The following UNC13C variants were observed in gnomAD, a reference collection of about 807,000 sequenced individuals.
UNC13C encodes unc-13 homolog C.
A neutral mutation model predicts 245.4 loss-of-function variants in UNC13C; 174 were observed. The observed-to-expected ratio is 0.71, with a 90% CI of 0.63 to 0.80. UNC13C has a LOEUF of 0.80. Ranked by LOEUF, UNC13C falls within the 30% of genes least tolerant of loss-of-function variation. The pLI is 0.00. For missense variants in UNC13C, 2,829 were observed against 2,602.9 expected (o/e 1.09, Z -1.89); for synonymous variants, 992 against 895.1 (o/e 1.11, Z -1.93).
At chr15:54,574,448 T>C (rs769180534) in intron 30 of UNC13C, among the ~76,000 whole-genome samples, 1 of 152,172 alleles carries the variant, frequency 6.6e-6, no homozygotes, top group Non-Finnish European at 1.5e-5. Flanking sequence ...TACCAAGGGC[T>C]CTTTGAATAT....
the UNC13C span, among the ~76,000 whole-genome samples, chr15:53,841,706 T>G: frequency 6.6e-6 from 1 of 152,114 alleles, no homozygotes; most frequent in African/African-American, 2.4e-5. Context: ...TGTAGTTGTA[T>G]TTTTATTTTT....
At chr15:54,579,988 A>G (rs1383332590) in intron 30 of UNC13C, among the ~76,000 whole-genome samples, 1 of 152,178 alleles carries the variant, frequency 6.6e-6, no homozygotes, top group Non-Finnish European at 1.5e-5. Context: ...GTTTTGTTTT[A>G]GGTCTGGTTA....
chr15:54,000,978 A>T (rs1894860365), intron 1 of UNC13C, among the ~76,000 whole-genome samples: 1 of 152,142 alleles, frequency 6.6e-6, no homozygotes, highest in Non-Finnish European at 1.5e-5. Context: ...TTTAGTTTGA[A>T]CCTTACTCTT....
intron 19 of UNC13C, among the ~76,000 whole-genome samples, chr15:54,453,646 CA>C (rs1450701704): frequency 3.9e-5 from 6 of 152,170 alleles, no homozygotes; most frequent in Middle Eastern, 3.2e-3. Context: ...TTTACTGAGT[CA>C]AAGATGATTA....
intron 3 of UNC13C, 31 bp downstream of exon 3, chr15:54,143,071 A>G (rs371939168): frequency 1.3e-6 from 2 of 1,598,058 alleles, no homozygotes; most frequent in Admixed American, 3.3e-5. Flanking sequence ...TTCCCTCCTG[A>G]GGAATCTTGT....
At chr15:54,425,405 G>C (rs1298560962) in intron 19 of UNC13C, among the ~76,000 whole-genome samples, 1 of 151,804 alleles carries the variant, frequency 6.6e-6, no homozygotes, top group Non-Finnish European at 1.5e-5. Flanking sequence ...TCACAGTACA[G>C]GTGAATCACA....
chr15:53,844,450 G>A, the UNC13C span, among the ~76,000 whole-genome samples: 1 of 152,066 alleles, frequency 6.6e-6, no homozygotes, highest in African/African-American at 2.4e-5. Context: ...GTGTGACAAA[G>A]GAAAAGTACT....
chr15:53,839,623 C>T, the UNC13C span, among the ~76,000 whole-genome samples: 6 of 151,982 alleles, frequency 3.9e-5, no homozygotes, highest in Non-Finnish European at 8.8e-5. Context: ...GTGACAGTCT[C>T]TGTTTTTTAA....
the UNC13C span, among the ~76,000 whole-genome samples, chr15:53,929,608 C>G: frequency 1.3e-5 from 2 of 152,094 alleles, no homozygotes; most frequent in Non-Finnish European, 2.9e-5. Context: ...TTAATTTGGG[C>G]CTTGCTCTTG....
intron 20 of UNC13C, 130 bp downstream of exon 20, chr15:54,494,864 G>A: frequency 8.8e-7 from 1 of 1,139,242 alleles, no homozygotes; most frequent in Non-Finnish European, 1.3e-6. Context: ...CCATTATGAA[G>A]TTAACATTAA....
chr15:54,294,792 A>G (rs1812214166), intron 11 of UNC13C, among the ~76,000 whole-genome samples: 1 of 152,152 alleles, frequency 6.6e-6, no homozygotes, highest in African/African-American at 2.4e-5. Flanking sequence ...GGCTGGCTGG[A>G]TATGAATTAA....
chr15:53,900,719 A>G, the UNC13C span, among the ~76,000 whole-genome samples: 1 of 152,174 alleles, frequency 6.6e-6, no homozygotes, highest in Non-Finnish European at 1.5e-5. Context: ...AAATCATCCA[A>G]CTTTTAAAGA....
chr15:54,224,526 G>T (rs562549569), intron 4 of UNC13C, among the ~76,000 whole-genome samples: 1 of 151,974 alleles, frequency 6.6e-6, no homozygotes, highest in Non-Finnish European at 1.5e-5. Context: ...TGTTGAATTC[G>T]GTTTGCTAGT....
At chr15:54,213,179 A>C (rs1042723688) in intron 4 of UNC13C, among the ~76,000 whole-genome samples, 2 of 152,010 alleles carry the variant, frequency 1.3e-5, no homozygotes, top group Non-Finnish European at 2.9e-5. Context: ...AATATTCCAC[A>C]ATGTTTACAT....
At chr15:54,394,846 T>C (rs1253071828) in intron 18 of UNC13C, among the ~76,000 whole-genome samples, 4 of 151,914 alleles carry the variant, frequency 2.6e-5, no homozygotes, top group East Asian at 3.8e-4. Flanking sequence ...ACAAAATATA[T>C]ACAAAGATTT....
At chr15:54,328,138 T>C (rs1437655115) in intron 14 of UNC13C, among the ~76,000 whole-genome samples, 3 of 152,122 alleles carry the variant, frequency 2.0e-5, no homozygotes, top group Non-Finnish European at 4.4e-5. Flanking sequence ...ACTCTTTAAA[T>C]ATACTTTGAA....
the UNC13C span, chr15:53,912,839 A>G: frequency 1 from 152,113 of 152,300 alleles, 75,964 homozygotes; most frequent in Non-Finnish European, 1. Context: ...TCTCTAGTAT[A>G]ACCAGTCAAA....
intron 13 of UNC13C, among the ~76,000 whole-genome samples, chr15:54,312,976 A>AT (rs1457032930): frequency 6.6e-6 from 1 of 151,718 alleles, no homozygotes; most frequent in African/African-American, 2.4e-5. Context: ...TACGGTTGTG[A>AT]TTTTGCATCC....
chr15:54,050,863 T>C, intron 2 of UNC13C: 1 of 563,936 alleles, frequency 1.8e-6, no homozygotes, highest in Non-Finnish European at 3.6e-6. Flanking sequence ...TTAAAAGAGA[T>C]ATCTTCAGTC....
Sources: allele counts gnomAD v4.1 joint callset (sites outside exome capture counted in the v4.1 genomes callset), GRCh38; gene constraint gnomAD v4.1.1; transcripts MANE v1.5; gene names NCBI Gene and HGNC (gene_info 2026-07-23, HGNC 2026-07-21).